The following ITGA11 variants were observed in gnomAD, a reference collection of about 807,000 sequenced individuals.
The protein encoded by ITGA11 is integrin alpha-11.
Under a neutral mutation model 141.9 loss-of-function variants are expected in ITGA11, and 97 were observed. The ratio of observed to expected loss-of-function variants is 0.68; its 90% confidence interval spans 0.58 to 0.81. The LOEUF (loss-of-function observed/expected upper bound fraction) is 0.81, where lower values mean the gene tolerates loss of function less well. ITGA11 is among the 30% of genes least tolerant of loss of function. ITGA11 has a pLI of 0.00. For missense variants in ITGA11, 1,387 were observed against 1,559.2 expected (o/e 0.89, Z 1.86); for synonymous variants, 658 against 624.6 (o/e 1.05, Z -0.80).
intron 23 of ITGA11, among the ~76,000 whole-genome samples, chr15:68,313,261 G>A (rs907000033): frequency 6.6e-5 from 10 of 150,812 alleles, no homozygotes; most frequent in Non-Finnish European, 8.8e-5. Context: ...TTCTCCATCT[G>A]CCCATGAGCT....
In ITGA11 at chr15:68,304,340, A is replaced by G. The variant is rs987900461; in HGVS notation, c.3382-455T>C. 1.3e-5 allele frequency among the ~76,000 whole-genome samples: 2 copies of G among 152,262 alleles called. No homozygotes were observed. The highest frequency in any genetic ancestry group is 4.8e-5 in the African/African-American group (2 of 41,466). ...CACAGTAGTCATGGTGCCAAGGCCC[A>G]TAACACTTTTAGGAGCCCATGAAAA... On this transcript the variant is annotated intron_variant, in intron 28 of 29. Coordinates refer to ENST00000315757, the MANE Select transcript of ITGA11 (RefSeq NM_001004439.2). The surrounding 1 kb of genome is among the most constrained non-coding windows in gnomAD (Gnocchi z 6.1).
intron 1 of ITGA11, among the ~76,000 whole-genome samples, chr15:68,412,809 G>A (rs1439945249): frequency 6.6e-6 from 1 of 151,440 alleles, no homozygotes; most frequent in Non-Finnish European, 1.5e-5. Flanking sequence ...CCAAGTAGCT[G>A]GGACTACAGG....
chr15:68,312,940 G>T, intron 23 of ITGA11, 77 bp from the exon 24 acceptor site: 1 of 1,100,114 alleles, frequency 9.1e-7, no homozygotes, highest in Non-Finnish European at 1.4e-6. Flanking sequence ...AAGAGGGAGA[G>T]GGCATGTGCC....
At chr15:68,384,813 G>C (rs954396067) in intron 2 of ITGA11, among the ~76,000 whole-genome samples, 2 of 152,230 alleles carry the variant, frequency 1.3e-5, no homozygotes, top group African/African-American at 4.8e-5. Flanking sequence ...GGGGGCCCAG[G>C]CCAGGAAAAG....
At chr15:68,418,116 G>A (rs1896929683) in intron 1 of ITGA11, among the ~76,000 whole-genome samples, 1 of 152,128 alleles carries the variant, frequency 6.6e-6, no homozygotes, top group African/African-American at 2.4e-5. Flanking sequence ...CATGGTAATT[G>A]GCAAATACTA....
chr15:68,318,738 C>T (rs1233592977), intron 20 of ITGA11, among the ~76,000 whole-genome samples: 2 of 151,918 alleles, frequency 1.3e-5, no homozygotes, highest in Non-Finnish European at 2.9e-5. Context: ...GGGGGGGGCA[C>T]TTGGGGAGGG....
chr15:68,368,725 T>C (rs535767397), intron 3 of ITGA11, among the ~76,000 whole-genome samples: 3 of 152,324 alleles, frequency 2.0e-5, no homozygotes, highest in East Asian at 1.9e-4. Context: ...ATCTGTTAAA[T>C]GGTTAAATCC....
At chr15:68,408,455 T>C (rs1403164517) in intron 1 of ITGA11, among the ~76,000 whole-genome samples, 2 of 152,112 alleles carry the variant, frequency 1.3e-5, no homozygotes, top group Non-Finnish European at 2.9e-5. Flanking sequence ...TGTTTGCTAC[T>C]CATTGTTGGG....
chr15:68,350,828 G>A, intron 8 of ITGA11, 46 bp from the exon 9 acceptor site: 1 of 1,578,284 alleles, frequency 6.3e-7, no homozygotes, highest in Non-Finnish European at 8.6e-7. Flanking sequence ...ACATAGCACA[G>A]ACTTTCCCAT....
At chr15:68,368,244 G>A (rs746679570) in intron 3 of ITGA11, among the ~76,000 whole-genome samples, 5 of 152,282 alleles carry the variant, frequency 3.3e-5, no homozygotes, top group South Asian at 2.1e-4. Flanking sequence ...CCCGCTCCTC[G>A]AAGGAGGGAG....
At chr15:68,403,384 C>T (rs1243997514) in intron 1 of ITGA11, among the ~76,000 whole-genome samples, 2 of 152,136 alleles carry the variant, frequency 1.3e-5, no homozygotes, top group East Asian at 1.9e-4. Flanking sequence ...TTGCTTGGTG[C>T]CATCCCCTTG....
chr15:68,389,020 A>G lies in ITGA11; in HGVS notation c.164+13898T>C, dbSNP rs935457730. 2.0e-5 allele frequency among the ~76,000 whole-genome samples: 3 copies of G among 151,206 alleles called. No individual in the cohort carries two copies. In the East Asian group the frequency reaches 5.8e-4, roughly 29 times the overall value. On this transcript the variant is annotated intron_variant, in intron 2 of 29. Transcript: ENST00000315757. Reference sequence around the variant, plus strand: ...CTCTAAACACAGTTTCTTCTTTTCCATCTCTGTACTCTTTCCCATGCTGTC... The same window carrying G: ...CTCTAAACACAGTTTCTTCTTTTCCGTCTCTGTACTCTTTCCCATGCTGTC...
rs532073309 is a variant in ITGA11, at chr15:68,339,238, C to A, written c.1276+262G>T. 7.9e-5 allele frequency among the ~76,000 whole-genome samples: 12 copies of A among 152,298 alleles called. No individual in the cohort carries two copies. The East Asian group carries it at 2.3e-3, about 29-fold the overall frequency. On this transcript the variant is annotated intron_variant, in intron 11 of 29. Transcript: ENST00000315757. ...GAGTCTAGAAGCACCAAATGAAACA[C>A]ATTGAAGGGAGTGGGGAACTGCTTG... is the stretch of plus-strand genomic sequence containing the variant.
intron 1 of ITGA11, among the ~76,000 whole-genome samples, chr15:68,431,448 G>A (rs1327282501): frequency 1.7e-4 from 26 of 152,338 alleles, no homozygotes; most frequent in African/African-American, 2.4e-5. Context: ...GCTAGCCCCC[G>A]CCTACCGGCC....
intron 15 of ITGA11, among the ~76,000 whole-genome samples, chr15:68,329,898 C>G (rs1042818646): frequency 2.0e-5 from 3 of 152,248 alleles, no homozygotes; most frequent in Non-Finnish European, 4.4e-5. Flanking sequence ...TGGGGCACCA[C>G]CGGGACTGTT....
intron 5 of ITGA11, among the ~76,000 whole-genome samples, chr15:68,360,704 C>T (rs183942521): frequency 1.3e-4 from 20 of 152,270 alleles, no homozygotes; most frequent in African/African-American, 2.4e-4. Flanking sequence ...GGGCCCCTCA[C>T]GTACCCTGAC....
At position 68,308,905 on chromosome 15, in the gene ITGA11, A is replaced by G. The variant is rs549455772; in HGVS notation, c.3175-1209T>C. Among the ~76,000 whole-genome samples, 16 of 152,366 alleles carry G rather than the reference A, an allele frequency of 1.1e-4. No homozygotes were observed. Among genetic ancestry groups the G allele is most frequent in the African/African-American group, 3.8e-4 (16 of 41,592 alleles). On this transcript the variant is annotated intron_variant, in intron 26 of 29. Coordinates refer to ENST00000315757, the MANE Select transcript of ITGA11 (RefSeq NM_001004439.2). The surrounding 1 kb of genome is among the most constrained non-coding windows in gnomAD (Gnocchi z 5.2). ...AAGCCTGACAATTAACAGCAGAACC[A>G]TTAGCCAACACTATAGACAGCTCAG...
In ITGA11 at chr15:68,326,028, G is replaced by A. The variant is rs1380652508; in HGVS notation, c.2211+626C>T. ...CTGCTGGTGTGGATGCGTCTCAGGG[G>A]GCCCCTTAACAGGGATGCACCTTCT... On this transcript the variant is annotated intron_variant, in intron 17 of 29. Coordinates refer to ENST00000315757, the MANE Select transcript of ITGA11 (RefSeq NM_001004439.2). This position sits in a 1 kb window ranked among gnomAD's most constrained non-coding sequence, Gnocchi z 6.8. 6.6e-6 allele frequency among the ~76,000 whole-genome samples: 1 copy of A among 152,170 alleles called. No homozygotes were observed. The highest frequency in any genetic ancestry group is 1.5e-5 in the Non-Finnish European group (1 of 68,038).
At position 68,357,249 on chromosome 15, in the gene ITGA11, G is replaced by A. The variant is rs12907890; in HGVS notation, c.651C>T (p.Asn217=). 0.77 allele frequency: 1,247,756 copies of A among 1,613,494 alleles called. 485,805 individuals are homozygous for A. The highest frequency in any genetic ancestry group is 1 in the East Asian group (44,828 of 44,878). Residue 217 remains asparagine (N), a synonymous_variant, in exon 7 of 30, where the codon AAC becomes AAT. Transcript: ENST00000315757. Reference sequence around the variant, plus strand: ...CCACATCTTTTACAGACCTGTAGTCGTTGAGGTGAAACTCATGCACCACAT... The same window carrying A: ...CCACATCTTTTACAGACCTGTAGTCATTGAGGTGAAACTCATGCACCACAT... The part of the protein sequence containing the change: ...GEDVVHEFHL[N]DYRSVKDVVE...
Sources: gnomAD v4.1 joint callset for allele counts (sites outside exome capture counted in the v4.1 genomes callset) on GRCh38, gnomAD v4.1.1 for gene constraint, Gnocchi (gnomAD v3.1) non-coding constraint, MANE v1.5 for transcripts, NCBI Gene and HGNC (gene_info 2026-07-23, HGNC 2026-07-21) for gene names.